The following FGL1 variants were observed in gnomAD, a reference collection of about 807,000 sequenced individuals.
FGL1 encodes fibrinogen like 1.
Under a neutral mutation model 43.7 loss-of-function variants are expected in FGL1, and 59 were observed. The ratio of observed to expected loss-of-function variants is 1.35; its 90% confidence interval spans 1.10 to 1.68. FGL1 has a LOEUF of 1.68. Among genes scored for constraint, FGL1 ranks in the 40% most tolerant of loss-of-function variants. The probability of loss-of-function intolerance (pLI) is 0.00; values close to 1 mark genes in which losing one functional copy is unlikely to be tolerated. For synonymous variants in FGL1, 192 were observed against 126.5 expected, an observed-to-expected ratio of 1.52 and a Z score of -3.48; for missense variants, 596 against 373.0, an observed-to-expected ratio of 1.60 and a Z score of -4.92.
chr8:17,868,130 T>G (rs187493246), intron 7 of FGL1, among the ~76,000 whole-genome samples: 191 of 152,286 alleles, frequency 1.3e-3, no homozygotes, highest in Non-Finnish European at 2.4e-3. Context: ...CCATAGTGAT[T>G]GAAAAGTAGT....
chr8:17,879,369 T>G (rs1231647655), intron 3 of FGL1, among the ~76,000 whole-genome samples: 2 of 152,104 alleles, frequency 1.3e-5, no homozygotes, highest in Non-Finnish European at 2.9e-5. Context: ...ACACAAGGAC[T>G]GGATCTTCAG....
At chr8:17,890,598 GCTGTC>G (rs1288090290) in intron 1 of FGL1, among the ~76,000 whole-genome samples, 1 of 152,038 alleles carries the variant, frequency 6.6e-6, no homozygotes, top group Non-Finnish European at 1.5e-5. Flanking sequence ...TAAAATAACA[GCTGTC>G]CCCTACTGTC....
At chr8:17,886,659 G>A (rs2053632736) in intron 1 of FGL1, among the ~76,000 whole-genome samples, 1 of 152,188 alleles carries the variant, frequency 6.6e-6, no homozygotes, top group African/African-American at 2.4e-5. Flanking sequence ...TCGGGAGGCT[G>A]AGGCAGGAGA....
chr8:17,879,220 T>A (rs548944306), intron 3 of FGL1, among the ~76,000 whole-genome samples: 13 of 152,030 alleles, frequency 8.6e-5, no homozygotes, highest in Admixed American at 6.6e-4. Flanking sequence ...TTCTGAAGCA[T>A]CTCTATATGA....
At chr8:17,894,990 G>C (rs1264640759) in intron 1 of FGL1, among the ~76,000 whole-genome samples, 3 of 150,558 alleles carry the variant, frequency 2.0e-5, no homozygotes, top group East Asian at 1.9e-4. Flanking sequence ...AAATTTTTTT[G>C]ACAGGCCTCT....
chr8:17,885,530 G>C lies in FGL1; in HGVS notation c.25C>G (p.Leu9Val). Residue 9 changes from leucine to valine, a missense_variant, in exon 2 of 8, where the codon CTT becomes GTT. Transcript: ENST00000427924. ...CCCATTGTCAGAGCGGTGGTAACAA[G>C]GATGAAACTGAACACCTTTGCCATG... MAKVFSFI[L>V]VTTALTMGRE... is the part of the protein sequence containing the mutation. 1.9e-6 allele frequency: 3 copies of C among 1,613,688 alleles called. No homozygotes were observed. Among genetic ancestry groups the C allele is most frequent in the Non-Finnish European group, 2.5e-6 (3 of 1,179,772 alleles).
intron 4 of FGL1, 31 bp from the exon 5 acceptor site, chr8:17,874,147 G>C (rs371152619): frequency 1.3e-6 from 2 of 1,567,626 alleles, no homozygotes; most frequent in Non-Finnish European, 1.8e-6. Context: ...GCCGATTAGA[G>C]CAAACTCCAT....
chr8:17,872,573 G>T (rs1054878869), intron 5 of FGL1, among the ~76,000 whole-genome samples: 21 of 152,138 alleles, frequency 1.4e-4, no homozygotes, highest in Admixed American at 1.3e-3. Flanking sequence ...AAAGTGCTGG[G>T]ATTACAGGCA....
At chr8:17,893,675 A>G (rs1346233917) in intron 1 of FGL1, among the ~76,000 whole-genome samples, 1 of 147,082 alleles carries the variant, frequency 6.8e-6, no homozygotes, top group African/African-American at 2.7e-5. Context: ...GATTAGCTTT[A>G]GAATAATTCC....
intron 1 of FGL1, among the ~76,000 whole-genome samples, chr8:17,887,571 C>T (rs1409908703): frequency 2.0e-5 from 3 of 152,066 alleles, no homozygotes; most frequent in Non-Finnish European, 4.4e-5. Flanking sequence ...CAAGATGGGC[C>T]GGGCGTGTTG....
At chr8:17,868,244 C>T (rs1000237583) in intron 7 of FGL1, 2 of 191,300 alleles carry the variant, frequency 1.0e-5, no homozygotes, top group African/African-American at 4.6e-5. Flanking sequence ...CATATATATA[C>T]ATGCTCTCTC....
intron 7 of FGL1, among the ~76,000 whole-genome samples, chr8:17,865,994 G>A (rs1427953145): frequency 6.6e-6 from 1 of 152,098 alleles, no homozygotes; most frequent in Non-Finnish European, 1.5e-5. Context: ...AGCCTACTGT[G>A]TTTTTAAAAC....
At chr8:17,875,480 T>A (rs183339451) in intron 3 of FGL1, among the ~76,000 whole-genome samples, 783 of 49,108 alleles carry the variant, frequency 0.016, 53 homozygotes, top group African/African-American at 0.045. Flanking sequence ...AAAAGTGATA[T>A]CTCTTTCTTT....
chr8:17,866,335 T>C (rs1051984382), intron 7 of FGL1, among the ~76,000 whole-genome samples: 1 of 108,792 alleles, frequency 9.2e-6, no homozygotes, highest in African/African-American at 3.6e-5. Context: ...CTCGCAGTGA[T>C]TGGTTTGCTA....
intron 4 of FGL1, 37 bp from the exon 5 acceptor site, chr8:17,874,153 T>G (rs758744653): frequency 1.3e-6 from 2 of 1,555,840 alleles, no homozygotes; most frequent in East Asian, 2.2e-5. Flanking sequence ...TAGAGCAAAC[T>G]CCATTTGTGG....
rs2053237411 is a variant in FGL1, at chr8:17,864,396, A to T, written c.*196T>A. On this transcript the variant is annotated 3_prime_UTR_variant, in exon 8 of 8. Coordinates refer to ENST00000427924, the MANE Select transcript of FGL1 (RefSeq NM_004467.4). ...ACACAGGGATTCAATAAATATTAAC[A>T]CAGTCTACATTTATTTGGTGAATAT... The T allele has an allele frequency of 1.9e-6, 1 of 524,432 alleles. No homozygotes were observed. The highest frequency in any genetic ancestry group is 1.9e-5 in the African/African-American group (1 of 51,864). The allele number at this position is 524,432 out of a possible 1,614,324, so 32.5% of individuals were successfully genotyped here.
intron 3 of FGL1, among the ~76,000 whole-genome samples, chr8:17,875,189 A>G (rs1016436617): frequency 3.3e-5 from 5 of 152,214 alleles, no homozygotes; most frequent in African/African-American, 1.2e-4. Context: ...CTTTATTATT[A>G]TACTTTAAGT....
chr8:17,874,923 A>AGCTACCACGCCCG (rs34146874), intron 3 of FGL1, among the ~76,000 whole-genome samples: 10 of 151,590 alleles, frequency 6.6e-5, no homozygotes, highest in African/African-American at 2.4e-4. Context: ...TACAGGTGTG[A>AGCTACCACGCCCG]GCTTAGTTTC....
intron 5 of FGL1, 52 bp from the exon 6 acceptor site, chr8:17,869,056 G>A (rs759122923): frequency 1.9e-6 from 2 of 1,080,354 alleles, no homozygotes; most frequent in Non-Finnish European, 2.7e-6. Flanking sequence ...ACATGACACG[G>A]ACTACTGCGG....
Sources: allele counts gnomAD v4.1 joint callset (sites outside exome capture counted in the v4.1 genomes callset), GRCh38; gene constraint gnomAD v4.1.1; transcripts MANE v1.5; gene names NCBI Gene and HGNC (gene_info 2026-07-23, HGNC 2026-07-21).